The following TMPRSS7 variants were observed in gnomAD, a reference collection of about 807,000 sequenced individuals.
TMPRSS7 encodes the protein transmembrane serine protease 7.
Under a neutral mutation model 95.6 loss-of-function variants are expected in TMPRSS7, and 81 were observed. That is an observed-to-expected ratio of 0.85 (90% CI 0.71 to 1.02). The LOEUF is 1.02. TMPRSS7 is among the 50% of genes least tolerant of loss of function. TMPRSS7 has a pLI of 0.00. For synonymous variants in TMPRSS7, 364 were observed against 337.8 expected, an observed-to-expected ratio of 1.08 and a Z score of -0.85; for missense variants, 945 against 955.2, an observed-to-expected ratio of 0.99 and a Z score of 0.14.
chr3:112,048,069 G>A (rs1349720211), intron 7 of TMPRSS7, 102 bp downstream of exon 7: 1 of 1,085,352 alleles, frequency 9.2e-7, no homozygotes, highest in Non-Finnish European at 1.3e-6. Context: ...AACAGTTTTT[G>A]TGTGCACACA....
At chr3:112,056,999 T>A (rs1350532787) in intron 9 of TMPRSS7, 26 bp from the exon 10 acceptor site, 1 of 1,504,622 alleles carries the variant, frequency 6.6e-7, no homozygotes, top group African/African-American at 1.4e-5. Context: ...AAGCATTTTT[T>A]TCTGACTTAA....
chr3:112,055,799 A>G (rs911041819), intron 9 of TMPRSS7, among the ~76,000 whole-genome samples: 2 of 152,232 alleles, frequency 1.3e-5, no homozygotes, highest in Non-Finnish European at 2.9e-5. Flanking sequence ...AATGATGAAG[A>G]CGATGATCCA....
intron 13 of TMPRSS7, among the ~76,000 whole-genome samples, chr3:112,073,511 G>A (rs1250725205): frequency 6.6e-6 from 1 of 152,052 alleles, no homozygotes; most frequent in African/African-American, 2.4e-5. Context: ...ATTTTTTCAT[G>A]TGTCTGTTGG....
chr3:112,078,697 G>A (rs200982152), intron 16 of TMPRSS7, 45 bp from the exon 17 acceptor site: 20 of 1,610,584 alleles, frequency 1.2e-5, no homozygotes, highest in South Asian at 5.5e-5. Flanking sequence ...GAATACATGC[G>A]GCCATTACCA....
chr3:112,071,091 C>A (rs951667629), intron 13 of TMPRSS7, among the ~76,000 whole-genome samples: 2 of 152,160 alleles, frequency 1.3e-5, no homozygotes, highest in Admixed American at 6.5e-5. Context: ...TACCAGTTGT[C>A]CCTTTCCATG....
chr3:112,041,665 C>T (rs1184055559), intron 2 of TMPRSS7, among the ~76,000 whole-genome samples: 1 of 152,114 alleles, frequency 6.6e-6, no homozygotes, highest in Non-Finnish European at 1.5e-5. Context: ...CACACAAGGG[C>T]CATGAGATCC....
At chr3:112,078,952 C>T in intron 17 of TMPRSS7, 74 bp downstream of exon 17, 1 of 1,540,752 alleles carries the variant, frequency 6.5e-7, no homozygotes, top group Non-Finnish European at 8.8e-7. Flanking sequence ...ATCTACATAA[C>T]ACTGGGAAAT....
rs539143129 is a variant in TMPRSS7 at position 112,074,642 on chromosome 3, G to C, written c.1783+230G>C. ...TTAATGAATTAAATTTTTAAAATGA[G>C]AACTTTCACTTTTTAATAATTTTAA... On this transcript the variant is annotated intron_variant, in intron 14 of 17. Coordinates refer to ENST00000452346, the Ensembl canonical transcript of TMPRSS7. 3.3e-5 allele frequency among the ~76,000 whole-genome samples: 5 copies of C among 152,244 alleles called. No individual in the cohort carries two copies. The South Asian group carries it at 8.3e-4, about 25-fold the overall frequency.
At chr3:112,053,459 C>T (rs1273604454) in intron 9 of TMPRSS7, among the ~76,000 whole-genome samples, 3 of 152,158 alleles carry the variant, frequency 2.0e-5, no homozygotes, top group Admixed American at 6.5e-5. Context: ...ATGTCTGCCA[C>T]GTGCCAGGCT....
At chr3:112,051,847 C>T (rs962027992) in intron 9 of TMPRSS7, among the ~76,000 whole-genome samples, 5 of 152,058 alleles carry the variant, frequency 3.3e-5, no homozygotes, top group Admixed American at 1.3e-4. Context: ...TCAGGATATA[C>T]GTATAGACTC....
chr3:112,040,162 A>G (rs550187283), intron 2 of TMPRSS7, among the ~76,000 whole-genome samples: 2 of 152,318 alleles, frequency 1.3e-5, no homozygotes, highest in Admixed American at 1.3e-4. Context: ...GAATGAAGGA[A>G]TACTGTCTTG....
At chr3:112,055,151 G>A (rs1441242219) in intron 9 of TMPRSS7, among the ~76,000 whole-genome samples, 2 of 152,144 alleles carry the variant, frequency 1.3e-5, no homozygotes, top group South Asian at 2.1e-4. Flanking sequence ...ATCCTTTTCC[G>A]ATTGAGCCCC....
At chr3:112,071,447 T>C (rs564003219) in intron 13 of TMPRSS7, among the ~76,000 whole-genome samples, 1 of 152,076 alleles carries the variant, frequency 6.6e-6, no homozygotes, top group African/African-American at 2.4e-5. Flanking sequence ...TTTCAAGGAG[T>C]ATCTTTGTGG....
chr3:112,045,956 T>C lies in TMPRSS7; in HGVS notation c.691+13T>C, dbSNP rs746604580. 1 of 1,541,532 alleles carries C rather than the reference T, an allele frequency of 6.5e-7. No individual in the cohort carries two copies. The highest frequency in any genetic ancestry group is 1.2e-5 in the South Asian group (1 of 82,608). ...GTGGTACTAAATGGTGATTGTTGGG[T>C]AATTTTCCTTTAGCATTCCTTCCTG... is the stretch of plus-strand genomic sequence containing the variant. On this transcript the variant is annotated intron_variant, in intron 5 of 17. Transcript: ENST00000452346.
intron 9 of TMPRSS7, among the ~76,000 whole-genome samples, chr3:112,054,139 C>G (rs2073400916): frequency 6.6e-6 from 1 of 152,188 alleles, no homozygotes; most frequent in South Asian, 2.1e-4. Flanking sequence ...CAGAAACTTT[C>G]ACTGCTCATC....
chr3:112,077,988 G>T lies in TMPRSS7; in HGVS notation c.2225-754G>T, dbSNP rs117164811. 4.4e-3 allele frequency among the ~76,000 whole-genome samples: 674 copies of T among 152,196 alleles called. 23 individuals are homozygous for T. The East Asian group carries it at 0.065, about 15-fold the overall frequency. Reference sequence around the variant, plus strand: ...ACAGCATCTGTAATTCCTGAACCTTGCCCTGTAGCCTCGTTTTGACACTCT... The same window carrying T: ...ACAGCATCTGTAATTCCTGAACCTTTCCCTGTAGCCTCGTTTTGACACTCT... On this transcript the variant is annotated intron_variant, in intron 16 of 17. Transcript: ENST00000452346.
At chr3:112,061,946 A>G (rs2073514185) in intron 11 of TMPRSS7, 23 bp downstream of exon 11, 2 of 1,576,686 alleles carry the variant, frequency 1.3e-6, no homozygotes, top group African/African-American at 1.4e-5. Context: ...TCACCTCCTT[A>G]GGAAAACTTA....
intron 5 of TMPRSS7, among the ~76,000 whole-genome samples, chr3:112,046,581 TTAAA>T (rs1166575511): frequency 6.6e-6 from 1 of 152,164 alleles, no homozygotes; most frequent in Non-Finnish European, 1.5e-5. Flanking sequence ...CAAATATTTG[TTAAA>T]TAAAGGAAAA....
Position 112,078,836 on chromosome 3 carries a change from G to A in TMPRSS7, c.2319G>A (p.Met773Ile), listed in dbSNP as rs759510337. ...CCTACGGGATCATCACTTCTCGGATGCTCTGTGCAGGCATAATGTCAGGCA... is the reference window on the plus strand; with the variant it reads ...CCTACGGGATCATCACTTCTCGGATACTCTGTGCAGGCATAATGTCAGGCA... Residue 773 changes from methionine (M) to isoleucine (I), a missense_variant, in exon 17 of 18, where the codon ATG (methionine) becomes ATA (isoleucine). Physicochemically the swap from Met to Ile is conservative, Grantham distance 10. Transcript: ENST00000452346. 9 of 1,613,980 alleles carry A rather than the reference G, an allele frequency of 5.6e-6. No homozygotes were observed. Among genetic ancestry groups the A allele is most frequent in the African/African-American group, 2.7e-5 (2 of 74,932 alleles).
Sources: allele counts gnomAD v4.1 joint callset (sites outside exome capture counted in the v4.1 genomes callset), GRCh38; gene constraint gnomAD v4.1.1; transcripts MANE v1.5; gene names NCBI Gene and HGNC (gene_info 2026-07-23, HGNC 2026-07-21).